The following ARHGEF38 variants were observed in gnomAD, a reference collection of about 807,000 sequenced individuals.
ARHGEF38 encodes Rho guanine nucleotide exchange factor 38.
In ARHGEF38, 79 loss-of-function variants were observed where a neutral mutation model predicts 79.9. That is an observed-to-expected ratio of 0.99 (90% CI 0.82 to 1.19). The LOEUF is 1.19. ARHGEF38 is among the 50% of genes most tolerant of loss of function. The pLI is 0.00. For synonymous variants in ARHGEF38, 366 were observed against 328.3 expected, an observed-to-expected ratio of 1.11 and a Z score of -1.24; for missense variants, 962 against 907.2, an observed-to-expected ratio of 1.06 and a Z score of -0.78.
At chr4:105,637,960 C>A (rs901325436) in intron 5 of ARHGEF38, among the ~76,000 whole-genome samples, 2 of 152,130 alleles carry the variant, frequency 1.3e-5, no homozygotes, top group African/African-American at 4.8e-5. Flanking sequence ...GCAATCCCAG[C>A]ATGTGGCTGG....
intron 1 of ARHGEF38, among the ~76,000 whole-genome samples, chr4:105,587,081 C>T (rs1304938346): frequency 1.3e-5 from 2 of 152,184 alleles, no homozygotes; most frequent in African/African-American, 2.4e-5. Context: ...TGTAATGACA[C>T]GTGATTGTAA....
rs1473372760 is a variant in ARHGEF38 at position 105,603,729 on chromosome 4, G to A, written c.385-9655G>A. Among the ~76,000 whole-genome samples the A allele has an allele frequency of 3.9e-5, 6 of 152,236 alleles. No homozygotes were observed. The South Asian group carries it at 6.2e-4, about 16-fold the overall frequency. On this transcript the variant is annotated intron_variant, in intron 2 of 13. Coordinates refer to ENST00000420470, the MANE Select transcript of ARHGEF38 (RefSeq NM_001242729.2). ...AGTGTCTGCAGCTGGTCCATAGGAA[G>A]CATTCAAGCATCCCTGACCCCCAAG... is the stretch of plus-strand genomic sequence containing the variant.
intron 1 of ARHGEF38, among the ~76,000 whole-genome samples, chr4:105,566,446 G>A (rs115046062): frequency 0.011 from 1,730 of 152,082 alleles, 43 homozygotes; most frequent in African/African-American, 0.04. Context: ...GTACATAATA[G>A]GTGCATATAT....
intron 10 of ARHGEF38, among the ~76,000 whole-genome samples, chr4:105,661,545 G>A (rs1235392202): frequency 3.3e-5 from 5 of 149,934 alleles, no homozygotes; most frequent in Non-Finnish European, 7.4e-5. Flanking sequence ...TGGGTGTGCA[G>A]TGGTATCTCA....
intron 1 of ARHGEF38, among the ~76,000 whole-genome samples, chr4:105,567,530 T>C (rs1232339066): frequency 3.3e-5 from 5 of 152,140 alleles, no homozygotes; most frequent in Admixed American, 3.3e-4. Context: ...CACAATTAAG[T>C]CTTGAAAAAT....
intron 10 of ARHGEF38, among the ~76,000 whole-genome samples, chr4:105,659,848 T>C (rs912186300): frequency 7.1e-6 from 1 of 141,768 alleles, no homozygotes; most frequent in Non-Finnish European, 1.5e-5. Flanking sequence ...GAAGCCTGGT[T>C]TTGTGTGTGT....
intron 3 of ARHGEF38, among the ~76,000 whole-genome samples, chr4:105,624,988 C>A (rs181690232): frequency 1.2e-4 from 19 of 152,330 alleles, no homozygotes; most frequent in African/African-American, 4.6e-4. Flanking sequence ...CATCACACCC[C>A]CTTCTCTGTA....
chr4:105,576,182 A>G (rs1726489190), intron 1 of ARHGEF38, among the ~76,000 whole-genome samples: 1 of 152,162 alleles, frequency 6.6e-6, no homozygotes, highest in African/African-American at 2.4e-5. Flanking sequence ...AATTCTGTGA[A>G]AAATGATTTT....
At chr4:105,555,522 C>T (rs925204447) in intron 1 of ARHGEF38, among the ~76,000 whole-genome samples, 2 of 152,014 alleles carry the variant, frequency 1.3e-5, no homozygotes, top group Admixed American at 6.6e-5. Flanking sequence ...ATTCAAATGC[C>T]GAGAGATTTT....
rs1730302967 is a variant in ARHGEF38 at position 105,655,917 on chromosome 4, T to C, written c.1233+195T>C. On this transcript the variant is annotated intron_variant, in intron 9 of 13. Coordinates refer to ENST00000420470, the MANE Select transcript of ARHGEF38 (RefSeq NM_001242729.2). ...AAGTGGATTAGTGAGGATTTTACTATGATGGAAATTTAAGAGGACCACAGA... is the reference window on the plus strand; with the variant it reads ...AAGTGGATTAGTGAGGATTTTACTACGATGGAAATTTAAGAGGACCACAGA... Among the ~76,000 whole-genome samples, 3 of 152,208 alleles carry C rather than the reference T, an allele frequency of 2.0e-5. No homozygotes were observed. The South Asian group carries it at 6.2e-4, about 32-fold the overall frequency.
intron 3 of ARHGEF38, among the ~76,000 whole-genome samples, chr4:105,627,593 T>C (rs1729000885): frequency 6.6e-6 from 1 of 152,178 alleles, no homozygotes; most frequent in Admixed American, 6.5e-5. Context: ...AATGCAGAAA[T>C]TCTTGGGTTG....
chr4:105,655,302 A>C (rs114278860), intron 8 of ARHGEF38, among the ~76,000 whole-genome samples: 1 of 152,230 alleles, frequency 6.6e-6, no homozygotes, highest in Non-Finnish European at 1.5e-5. Context: ...GATTTTTAAA[A>C]TAAGAAATTT....
chr4:105,675,794 G>A (rs1287975266), intron 13 of ARHGEF38, among the ~76,000 whole-genome samples: 1 of 152,180 alleles, frequency 6.6e-6, no homozygotes, highest in African/African-American at 2.4e-5. Context: ...TTCATAGATG[G>A]CACCTTCTCA....
At chr4:105,566,216 C>T (rs560020137) in intron 1 of ARHGEF38, among the ~76,000 whole-genome samples, 11 of 152,276 alleles carry the variant, frequency 7.2e-5, no homozygotes, top group African/African-American at 1.9e-4. Context: ...AAGTTGTTTT[C>T]GCATCTTTTT....
intron 2 of ARHGEF38, among the ~76,000 whole-genome samples, chr4:105,607,767 C>G (rs1486352402): frequency 6.6e-6 from 1 of 151,962 alleles, no homozygotes; most frequent in Non-Finnish European, 1.5e-5. Context: ...CAAGTTCAAA[C>G]TAGCTTAAAT....
Position 105,552,959 on chromosome 4 carries a change from A to G in ARHGEF38, c.194A>G (p.Gln65Arg), listed in dbSNP as rs1224107970. ...SDRTEYNQKL[Q>R]EKMTPQGECS... ...AGGACCGAATACAACCAGAAATTACAAGGTAACCAAAAAGAAATCAATTGT... is the reference window on the plus strand; with the variant it reads ...AGGACCGAATACAACCAGAAATTACGAGGTAACCAAAAAGAAATCAATTGT... The change falls in exon 1 of 14, where the codon CAA becomes CGA. Residue 65 changes from glutamine (Q) to arginine (R), a missense_variant and splice_region_variant. Coordinates refer to ENST00000420470, the MANE Select transcript of ARHGEF38 (RefSeq NM_001242729.2). 1.9e-6 allele frequency: 3 copies of G among 1,604,136 alleles called. No individual in the cohort carries two copies. The highest frequency in any genetic ancestry group is 1.7e-5 in the Admixed American group (1 of 57,696).
At chr4:105,627,003 G>A (rs1728975698) in intron 3 of ARHGEF38, among the ~76,000 whole-genome samples, 1 of 151,966 alleles carries the variant, frequency 6.6e-6, no homozygotes, top group African/African-American at 2.4e-5. Flanking sequence ...GTTGCTCAAA[G>A]CTCCCCAAGG....
At chr4:105,656,932 C>G (rs1463846638) in intron 9 of ARHGEF38, among the ~76,000 whole-genome samples, 3 of 151,854 alleles carry the variant, frequency 2.0e-5, no homozygotes. Context: ...AGGCTTACAT[C>G]TGAGCTAATA....
At chr4:105,569,431 T>G (rs904981287) in intron 1 of ARHGEF38, among the ~76,000 whole-genome samples, 2 of 151,970 alleles carry the variant, frequency 1.3e-5, no homozygotes, top group Non-Finnish European at 2.9e-5. Context: ...ATGGTCAATC[T>G]CCCCTCTTGC....
Sources: gnomAD v4.1 joint callset for allele counts (sites outside exome capture counted in the v4.1 genomes callset) on GRCh38, gnomAD v4.1.1 for gene constraint, MANE v1.5 for transcripts, NCBI Gene and HGNC (gene_info 2026-07-23, HGNC 2026-07-21) for gene names.